Variants in TRIM71 observed in about 807,000 individuals in gnomAD.
TRIM71 encodes the protein E3 ubiquitin-protein ligase TRIM71.
In TRIM71, 9 loss-of-function variants were observed where a neutral mutation model predicts 61.2. The ratio of observed to expected loss-of-function variants is 0.15; its 90% CI spans 0.09 to 0.26. The LOEUF (loss-of-function observed/expected upper bound fraction) is 0.26, where lower values mean the gene tolerates loss of function less well. TRIM71 is among the 10% of genes least tolerant of loss of function. The pLI, the probability that TRIM71 is intolerant of heterozygous loss-of-function variation, is 1.00. For synonymous variants in TRIM71, 645 were observed against 553.2 expected, an observed-to-expected ratio of 1.17 and a Z score of -2.33; for missense variants, 998 against 1,238.7, an observed-to-expected ratio of 0.81 and a Z score of 2.92.
chr3:32,861,853 C>T (rs1345070565), intron 1 of TRIM71, among the ~76,000 whole-genome samples: 1 of 152,108 alleles, frequency 6.6e-6, no homozygotes, highest in East Asian at 1.9e-4. Flanking sequence ...AGACATGCCC[C>T]AGCACCCACT....
intron 1 of TRIM71, among the ~76,000 whole-genome samples, chr3:32,864,933 G>A (rs1322600830): frequency 6.6e-6 from 1 of 151,272 alleles, no homozygotes; most frequent in African/African-American, 2.4e-5. Flanking sequence ...AGCTCAACAT[G>A]GGGGGTGCCT....
At chr3:32,840,205 T>G (rs1696388328) in intron 1 of TRIM71, among the ~76,000 whole-genome samples, 1 of 152,152 alleles carries the variant, frequency 6.6e-6, no homozygotes, top group Non-Finnish European at 1.5e-5. Context: ...AAAGTTTGCA[T>G]TCACCAATTC....
intron 1 of TRIM71, among the ~76,000 whole-genome samples, chr3:32,843,114 G>A (rs1439545193): frequency 6.6e-6 from 1 of 152,092 alleles, no homozygotes; most frequent in African/African-American, 2.4e-5. Flanking sequence ...GGGCTTCCAG[G>A]GTGCTGGGAC....
At position 32,895,221 on chromosome 3, in the gene TRIM71, T is replaced by C. The variant is rs1312010635; in HGVS notation, c.*3410T>C. 6.6e-6 allele frequency: 1 copy of C among 152,208 alleles called. No homozygotes were observed. The highest frequency in any genetic ancestry group is 1.5e-5 in the Non-Finnish European group (1 of 68,040). 9.4% of individuals were successfully genotyped at this position (152,208 alleles called of 1,614,324 possible). On this transcript the variant is annotated 3_prime_UTR_variant, in exon 4 of 4. Coordinates refer to ENST00000383763, the MANE Select transcript of TRIM71 (RefSeq NM_001039111.3). ...GGCACTCAAGTTGACTAGAGCACAG[T>C]GACCTGGGTTGTACCCCAAGTGCAC...
chr3:32,875,670 C>G (rs1390120596), intron 2 of TRIM71, among the ~76,000 whole-genome samples: 2 of 151,854 alleles, frequency 1.3e-5, no homozygotes, highest in Non-Finnish European at 2.9e-5. Context: ...GGAAACCCTA[C>G]AAAAAGTACC....
chr3:32,876,164 A>T (rs1696850248), intron 2 of TRIM71, among the ~76,000 whole-genome samples: 1 of 152,062 alleles, frequency 6.6e-6, no homozygotes, highest in South Asian at 2.1e-4. Context: ...GTCCCTGCGG[A>T]TGAAGTGGTT....
intron 1 of TRIM71, among the ~76,000 whole-genome samples, chr3:32,837,218 G>T (rs764469026): frequency 4.6e-5 from 7 of 152,136 alleles, no homozygotes; most frequent in Non-Finnish European, 1.0e-4. Context: ...CTGTAATTTA[G>T]TCGTGTAAGC....
intron 1 of TRIM71, among the ~76,000 whole-genome samples, chr3:32,833,734 G>A (rs936382892): frequency 8.6e-5 from 13 of 151,188 alleles, no homozygotes; most frequent in African/African-American, 3.1e-4. Flanking sequence ...TTTTGTTTGA[G>A]AATCAAATGA....
chr3:32,852,975 C>G (rs1418423952), intron 1 of TRIM71, among the ~76,000 whole-genome samples: 1 of 152,048 alleles, frequency 6.6e-6, no homozygotes, highest in South Asian at 2.1e-4. Flanking sequence ...TTGACAGGGA[C>G]CCCCTTACTA....
At chr3:32,876,745 C>A (rs79818585) in intron 2 of TRIM71, among the ~76,000 whole-genome samples, 3,642 of 152,130 alleles carry the variant, frequency 0.024, 170 homozygotes, top group African/African-American at 0.083. Context: ...GGAAAAGCCA[C>A]CATGGGGGAG....
At chr3:32,829,626 T>TTGTGTGTGTGTGTGTGTGTGTGTGTGTG (rs10524029) in intron 1 of TRIM71, among the ~76,000 whole-genome samples, 2 of 148,680 alleles carry the variant, frequency 1.3e-5, no homozygotes, top group Admixed American at 6.7e-5. Flanking sequence ...TGTCATGGTA[T>TTGTGTGTGTGTGTGTGTGTGTGTGTGTG]TGTGTGTGTG....
chr3:32,834,480 G>C (rs1365085535), intron 1 of TRIM71, among the ~76,000 whole-genome samples: 1 of 152,174 alleles, frequency 6.6e-6, no homozygotes, highest in Non-Finnish European at 1.5e-5. Context: ...ACATACACAG[G>C]CATACAATGA....
chr3:32,893,542 A>T lies in TRIM71; in HGVS notation c.*1731A>T, dbSNP rs961382519. On this transcript the variant is annotated 3_prime_UTR_variant, in exon 4 of 4. Coordinates refer to ENST00000383763, the MANE Select transcript of TRIM71 (RefSeq NM_001039111.3). ...GGAGCCCTCCTCAGGGAAAAGAGGG[A>T]CTCTCAAACAAACGTCAGTGACTTA... is the stretch of plus-strand genomic sequence containing the variant. The T allele has an allele frequency of 6.6e-6, 1 of 152,192 alleles. No individual in the cohort carries two copies. The highest frequency in any genetic ancestry group is 2.4e-5 in the African/African-American group (1 of 41,458). 9.4% of individuals were successfully genotyped at this position (152,192 alleles called of 1,614,324 possible). A position where few individuals can be genotyped will look rare whatever the true frequency, so the allele number is the denominator to read the frequency against.
intron 3 of TRIM71, among the ~76,000 whole-genome samples, chr3:32,888,457 AAAAAAAAAAAAAAAAAG>A (rs1219615224): frequency 4.2e-5 from 3 of 72,038 alleles, no homozygotes; most frequent in African/African-American, 9.1e-5. Context: ...AAAAAAAAAA[AAAAAAAAAAAAAAAAAG>A]GTGCCCTGTG....
intron 3 of TRIM71, among the ~76,000 whole-genome samples, chr3:32,888,434 CAAAAAAAAAAAAAAAAAAAAAAAAA>C (rs56834147): frequency 8.3e-5 from 8 of 95,854 alleles, no homozygotes; most frequent in Admixed American, 1.1e-4. Context: ...CCATCTCTAC[CAAAAAAAAAAAAAAAAAAAAAAAAA>C]AAAAAAAAAA....
chr3:32,839,683 T>TC (rs1304437518), intron 1 of TRIM71, among the ~76,000 whole-genome samples: 1 of 134,158 alleles, frequency 7.5e-6, no homozygotes, highest in East Asian at 2.6e-4. Context: ...GGGGGTGGGG[T>TC]CCCTTATCGC....
At chr3:32,847,350 C>G (rs968560363) in intron 1 of TRIM71, among the ~76,000 whole-genome samples, 1 of 152,102 alleles carries the variant, frequency 6.6e-6, no homozygotes, top group Non-Finnish European at 1.5e-5. Flanking sequence ...GCACGTGCCA[C>G]CATGTCCCGC....
intron 1 of TRIM71, among the ~76,000 whole-genome samples, chr3:32,863,516 T>C (rs941153670): frequency 6.6e-6 from 1 of 152,220 alleles, no homozygotes; most frequent in South Asian, 2.1e-4. Context: ...GGGGTCCCTC[T>C]AGTTCACCCT....
intron 1 of TRIM71, among the ~76,000 whole-genome samples, chr3:32,826,011 C>T (rs1051297994): frequency 6.6e-6 from 1 of 152,182 alleles, no homozygotes; most frequent in African/African-American, 2.4e-5. Flanking sequence ...TGTCCCTTTA[C>T]ATTTGAAACT....
Sources: gnomAD v4.1 joint callset for allele counts (sites outside exome capture counted in the v4.1 genomes callset) on GRCh38, gnomAD v4.1.1 for gene constraint, MANE v1.5 for transcripts, NCBI Gene and HGNC (gene_info 2026-07-23, HGNC 2026-07-21) for gene names.